The following NTRK2 variants were observed in gnomAD, a reference collection of about 807,000 sequenced individuals.
NTRK2 encodes the protein neurotrophic receptor tyrosine kinase 2.
Under a neutral mutation model 94.5 loss-of-function variants are expected in NTRK2, and 13 were observed. The observed-to-expected ratio is 0.14, with a 90% confidence interval of 0.09 to 0.22. The LOEUF (loss-of-function observed/expected upper bound fraction) is 0.22. NTRK2 is among the 10% of genes least tolerant of loss of function. The pLI is 1.00. For synonymous variants in NTRK2, 372 were observed against 407.4 expected (o/e 0.91, Z 1.05); for missense variants, 639 against 1,071.2 (o/e 0.60, Z 5.63).
intron 14 of NTRK2, among the ~76,000 whole-genome samples, chr9:84,889,316 G>A (rs948119148): frequency 6.6e-6 from 1 of 151,990 alleles, no homozygotes; most frequent in Non-Finnish European, 1.5e-5. Flanking sequence ...TTAAAAAGTG[G>A]CTCTTTAAAA....
intron 14 of NTRK2, among the ~76,000 whole-genome samples, chr9:84,888,054 AC>A: frequency 6.6e-6 from 1 of 152,324 alleles, no homozygotes; most frequent in South Asian, 2.1e-4. Flanking sequence ...AGAAAACAAA[AC>A]AAATCCAGCC....
In NTRK2 at chr9:84,720,325, G is replaced by A. The variant is rs148292047; in HGVS notation, c.584-3248G>A. ...ATTCTCTAAAGTGGATAAAACAAAG[G>A]TTCTGAGAAACTACAGATAGAGTGA... On this transcript the variant is annotated intron_variant, in intron 6 of 18. Transcript: ENST00000277120. Among the ~76,000 whole-genome samples, 20 of 152,274 alleles carry A rather than the reference G, an allele frequency of 1.3e-4. No homozygotes were observed. In the East Asian group the frequency reaches 3.5e-3, roughly 26 times the overall value.
intron 2 of NTRK2, among the ~76,000 whole-genome samples, chr9:84,697,583 C>G (rs925069575): frequency 6.6e-6 from 1 of 152,202 alleles, no homozygotes; most frequent in African/African-American, 2.4e-5. Flanking sequence ...CTGTCAGTGG[C>G]CCTGACCTGG....
At position 84,670,968 on chromosome 9, in the gene NTRK2, C is replaced by G. The variant is rs1587819865; in HGVS notation, c.212+8C>G. ...TGAGAACATCACCGAAATGTGAGTT[C>G]CTGGAGCTTTTCCTCCTTTTTCTCC... On this transcript the variant is annotated splice_region_variant and intron_variant, in intron 2 of 18. Coordinates refer to ENST00000277120, the MANE Select transcript of NTRK2 (RefSeq NM_006180.6). 6.2e-6 allele frequency: 10 copies of G among 1,601,504 alleles called. No homozygotes were observed. The highest frequency in any genetic ancestry group is 8.5e-6 in the Non-Finnish European group (10 of 1,179,670).
intron 14 of NTRK2, among the ~76,000 whole-genome samples, chr9:84,932,417 A>G (rs2078069524): frequency 6.6e-6 from 1 of 152,198 alleles, no homozygotes; most frequent in South Asian, 2.1e-4. Flanking sequence ...TCAGGAAAGA[A>G]CACACTGGTG....
chr9:84,905,408 C>A (rs1202547186), intron 14 of NTRK2, among the ~76,000 whole-genome samples: 1 of 151,936 alleles, frequency 6.6e-6, no homozygotes. Context: ...TTCTGCTTCA[C>A]CTGAAGGATA....
intron 12 of NTRK2, among the ~76,000 whole-genome samples, chr9:84,806,041 A>G (rs1289898171): frequency 6.6e-6 from 1 of 152,226 alleles, no homozygotes; most frequent in African/African-American, 2.4e-5. Flanking sequence ...CAGAAAACAG[A>G]CTAAGACAAA....
intron 12 of NTRK2, among the ~76,000 whole-genome samples, chr9:84,826,058 C>T (rs1048672712): frequency 1.3e-5 from 2 of 152,188 alleles, no homozygotes; most frequent in South Asian, 4.1e-4. Flanking sequence ...CCACCCCCCA[C>T]CCGCCATGGA....
intron 17 of NTRK2, among the ~76,000 whole-genome samples, chr9:84,998,376 A>G (rs1015169285): frequency 1.3e-5 from 2 of 151,986 alleles, no homozygotes; most frequent in Non-Finnish European, 2.9e-5. Context: ...GTCCCCTACC[A>G]CTAGCTGCAC....
intron 17 of NTRK2, among the ~76,000 whole-genome samples, chr9:84,984,717 G>A (rs183842955): frequency 3.3e-5 from 5 of 152,298 alleles, no homozygotes; most frequent in Admixed American, 1.3e-4. Flanking sequence ...ACCACAGTTC[G>A]TTAAGAAGTA....
intron 6 of NTRK2, among the ~76,000 whole-genome samples, chr9:84,714,413 T>G (rs1299843807): frequency 3.3e-5 from 5 of 152,362 alleles, no homozygotes; most frequent in African/African-American, 4.8e-5. Flanking sequence ...GAGTTCTTTA[T>G]AGTTTCTTCT....
chr9:84,929,032 A>G (rs1031458083), intron 14 of NTRK2, among the ~76,000 whole-genome samples: 2 of 152,198 alleles, frequency 1.3e-5, no homozygotes, highest in African/African-American at 2.4e-5. Flanking sequence ...GGAAAGGCAC[A>G]TTTCCTGAGA....
chr9:84,943,714 C>T (rs888184437), intron 15 of NTRK2, among the ~76,000 whole-genome samples: 1 of 152,152 alleles, frequency 6.6e-6, no homozygotes, highest in East Asian at 1.9e-4. Context: ...CCAAGGGACT[C>T]AGGGAACCAG....
At chr9:84,776,166 GATATAAATATAA>G (rs5898873) in intron 12 of NTRK2, among the ~76,000 whole-genome samples, 1 of 150,948 alleles carries the variant, frequency 6.6e-6, no homozygotes, top group Non-Finnish European at 1.5e-5. Context: ...GATAGATATA[GATATAAATATAA>G]ATATAAATAT....
chr9:84,877,642 T>C (rs1230247994), intron 14 of NTRK2: 2 of 1,064,882 alleles, frequency 1.9e-6, no homozygotes, highest in Non-Finnish European at 2.3e-6. Context: ...GTTCTGTTGA[T>C]TGCTAAATGT....
intron 12 of NTRK2, among the ~76,000 whole-genome samples, chr9:84,805,106 G>A (rs2070958321): frequency 6.6e-6 from 1 of 152,194 alleles, no homozygotes; most frequent in Non-Finnish European, 1.5e-5. Context: ...CTTGTCATCA[G>A]AGCCTGCTGA....
chr9:84,997,846 C>G (rs1338632341), intron 17 of NTRK2, among the ~76,000 whole-genome samples: 2 of 152,166 alleles, frequency 1.3e-5, no homozygotes, highest in East Asian at 3.9e-4. Context: ...GTGGCTTAAC[C>G]CCCTCGCTGT....
intron 11 of NTRK2, among the ~76,000 whole-genome samples, chr9:84,751,212 T>C (rs908447412): frequency 1.3e-5 from 2 of 152,166 alleles, no homozygotes; most frequent in African/African-American, 4.8e-5. Flanking sequence ...AGCCTTTTAT[T>C]ATGGACAATT....
intron 17 of NTRK2, among the ~76,000 whole-genome samples, chr9:84,960,650 A>C (rs970182848): frequency 6.6e-6 from 1 of 152,224 alleles, no homozygotes; most frequent in African/African-American, 2.4e-5. Flanking sequence ...GAGGAGCAGC[A>C]TAAGAGGAGG....
Sources: gnomAD v4.1 joint callset for allele counts (sites outside exome capture counted in the v4.1 genomes callset) on GRCh38, gnomAD v4.1.1 for gene constraint, MANE v1.5 for transcripts, NCBI Gene and HGNC (gene_info 2026-07-23, HGNC 2026-07-21) for gene names.